DPH6: variants seen among roughly 807,000 people sequenced by gnomAD.
The protein encoded by DPH6 is diphthine--ammonia ligase.
In DPH6, 33 loss-of-function variants were observed where a neutral mutation model predicts 38.2. The observed-to-expected ratio is 0.86, with a 90% confidence interval of 0.65 to 1.15. DPH6 has a LOEUF of 1.15. DPH6 is among the 50% of genes most tolerant of loss of function. The probability of loss-of-function intolerance (pLI) is 0.00; values close to 1 mark genes in which losing one functional copy is unlikely to be tolerated. For synonymous variants in DPH6, 108 were observed against 103.0 expected (o/e 1.05, Z -0.30); for missense variants, 325 against 320.0 (o/e 1.02, Z -0.12).
chr15:35,400,672 C>A, intron 6 of DPH6: 1 of 627,294 alleles, frequency 1.6e-6, no homozygotes. Flanking sequence ...TCATTAAAGT[C>A]TCTCTTCCCC....
At chr15:35,250,665 C>A (rs555750601) in intron 3 of DPH6, among the ~76,000 whole-genome samples, 61 of 151,662 alleles carry the variant, frequency 4.0e-4, no homozygotes, top group African/African-American at 1.4e-3. Flanking sequence ...TACTATGCAT[C>A]CATTCTGGGT....
At chr15:35,368,160 TTG>T (rs1190239036), downstream of DPH6, among the ~76,000 whole-genome samples, 16 of 152,052 alleles carry the variant, frequency 1.1e-4, no homozygotes, top group Non-Finnish European at 2.2e-4. Context: ...AGTTCATCTC[TTG>T]TGCCTAAAGG....
chr15:35,154,025 A>G, the DPH6 span, among the ~76,000 whole-genome samples: 1 of 152,196 alleles, frequency 6.6e-6, no homozygotes, highest in Non-Finnish European at 1.5e-5. Flanking sequence ...CTCCAGAGAG[A>G]GGAAGGTAGC....
intron 3 of DPH6, among the ~76,000 whole-genome samples, chr15:35,529,909 T>TA (rs142616592): frequency 0.054 from 8,117 of 150,498 alleles, 245 homozygotes; most frequent in Middle Eastern, 0.089. Context: ...AAATAAAAAA[T>TA]AAAAAAAAAC....
intron 3 of DPH6, among the ~76,000 whole-genome samples, chr15:35,258,510 G>C (rs183827154): frequency 6.6e-6 from 1 of 152,260 alleles, no homozygotes; most frequent in Non-Finnish European, 1.5e-5. Flanking sequence ...TCATAAGTGA[G>C]GGAACTAAAG....
At chr15:35,269,522 T>C (rs997289203) in intron 3 of DPH6, among the ~76,000 whole-genome samples, 11 of 151,892 alleles carry the variant, frequency 7.2e-5, no homozygotes, top group African/African-American at 2.4e-4. Context: ...CTGGAAGCTC[T>C]GCCTCCCGGG....
At chr15:35,343,086 C>T (rs925869101) in intron 3 of DPH6, among the ~76,000 whole-genome samples, 59 of 152,172 alleles carry the variant, frequency 3.9e-4, no homozygotes, top group African/African-American at 1.4e-3. Context: ...CCTAGAATAC[C>T]ATTGTCACAC....
At chr15:35,521,664 G>C in intron 3 of DPH6, 1 of 1,230,484 alleles carries the variant, frequency 8.1e-7, no homozygotes, top group Non-Finnish European at 1.0e-6. Flanking sequence ...TATTTAACTA[G>C]ATATTTTAGT....
chr15:35,476,568 T>A (rs2141138633), intron 3 of DPH6, among the ~76,000 whole-genome samples: 1 of 151,994 alleles, frequency 6.6e-6, no homozygotes, highest in Non-Finnish European at 1.5e-5. Context: ...AGATTCTATT[T>A]TTTTCTTCTT....
At chr15:35,363,242 T>C (rs917006402) in intron 3 of DPH6, among the ~76,000 whole-genome samples, 1 of 152,196 alleles carries the variant, frequency 6.6e-6, no homozygotes, top group African/African-American at 2.4e-5. Context: ...TGCAAAAATC[T>C]TGAATTATGA....
intron 3 of DPH6, among the ~76,000 whole-genome samples, chr15:35,256,431 T>C (rs956933283): frequency 2.6e-5 from 4 of 152,222 alleles, no homozygotes; most frequent in African/African-American, 9.6e-5. Flanking sequence ...ACCACAGTTA[T>C]GGATTTTTGG....
chr15:35,414,951 C>G lies in DPH6; in HGVS notation c.506-4055G>C, dbSNP rs371478308. ...TCTTGATCTCTTTGAGGTTCTCCCTCTTGTAGGGCACTTCCCATTTCTGTT... is the reference window on the plus strand; with the variant it reads ...TCTTGATCTCTTTGAGGTTCTCCCTGTTGTAGGGCACTTCCCATTTCTGTT... On this transcript the variant is annotated intron_variant, in intron 5 of 8. Transcript: ENST00000256538. Among the ~76,000 whole-genome samples, 22 of 151,916 alleles carry G rather than the reference C, an allele frequency of 1.4e-4. 4 individuals are homozygous for G. Among genetic ancestry groups the G allele is most frequent in the East Asian group, 7.7e-4 (4 of 5,176 alleles).
At chr15:35,315,352 A>G (rs1365728033) in intron 3 of DPH6, among the ~76,000 whole-genome samples, 1 of 152,244 alleles carries the variant, frequency 6.6e-6, no homozygotes, top group East Asian at 1.9e-4. Flanking sequence ...CACCATAGGA[A>G]TAAACAAACT....
chr15:35,243,820 C>A (rs931554639), intron 3 of DPH6, among the ~76,000 whole-genome samples: 1 of 152,146 alleles, frequency 6.6e-6, no homozygotes, highest in African/African-American at 2.4e-5. Flanking sequence ...TGGTCTCTTC[C>A]CACGGACGCG....
chr15:35,530,729 T>C (rs969191148), intron 3 of DPH6, among the ~76,000 whole-genome samples: 4 of 152,210 alleles, frequency 2.6e-5, no homozygotes, highest in East Asian at 3.8e-4. Context: ...TTAGGAACTA[T>C]AGTAATTGAC....
chr15:35,454,034 ATATTT>A (rs1287414606), intron 4 of DPH6, among the ~76,000 whole-genome samples: 1 of 152,104 alleles, frequency 6.6e-6, no homozygotes, highest in Non-Finnish European at 1.5e-5. Context: ...ATAAAATATT[ATATTT>A]ATCTAGATAA....
intron 3 of DPH6, among the ~76,000 whole-genome samples, chr15:35,505,696 C>T (rs554849925): frequency 6.6e-6 from 1 of 152,068 alleles, no homozygotes; most frequent in African/African-American, 2.4e-5. Flanking sequence ...TGAAAAATTA[C>T]ACCTAAGTCA....
chr15:35,540,276 A>G (rs2055233412), intron 2 of DPH6, among the ~76,000 whole-genome samples: 1 of 152,142 alleles, frequency 6.6e-6, no homozygotes, highest in South Asian at 2.1e-4. Context: ...CTCAATTAAC[A>G]TGCCACAAAA....
At position 35,371,617 on chromosome 15, in the gene DPH6, G is replaced by T. The variant is rs145686020; in HGVS notation, c.*533C>A. ...AAATCAGTTATAAAATAACTTGTAAGAGTTAAGGACATTCTTCCTAATTGT... is the reference window on the plus strand; with the variant it reads ...AAATCAGTTATAAAATAACTTGTAATAGTTAAGGACATTCTTCCTAATTGT... On this transcript the variant is annotated 3_prime_UTR_variant, in exon 9 of 9. Coordinates refer to ENST00000256538, the MANE Select transcript of DPH6 (RefSeq NM_080650.4). The T allele has an allele frequency of 9.4e-5, 92 of 983,456 alleles. 1 individual carries two copies. The East Asian group carries it at 4.9e-3, about 52-fold the overall frequency. 60.9% of individuals were successfully genotyped at this position (983,456 alleles called of 1,614,324 possible).
Sources: allele counts gnomAD v4.1 joint callset (sites outside exome capture counted in the v4.1 genomes callset), GRCh38; gene constraint gnomAD v4.1.1; transcripts MANE v1.5; gene names NCBI Gene and HGNC (gene_info 2026-07-23, HGNC 2026-07-21).